The following PKP2 variants were observed in gnomAD, a reference collection of about 807,000 sequenced individuals.
The protein encoded by PKP2 is plakophilin 2, also known as plakophilin-2.
PKP2 carries 73 observed loss-of-function variants against 83.4 expected under a neutral mutation model. The ratio of observed to expected loss-of-function variants is 0.88; its 90% CI spans 0.72 to 1.06. PKP2 has a LOEUF of 1.06. Ranked by LOEUF, PKP2 falls within the 50% of genes least tolerant of loss-of-function variation. The probability of loss-of-function intolerance (pLI) is 0.00; values close to 1 mark genes in which losing one functional copy is unlikely to be tolerated. For missense variants in PKP2, 966 were observed against 1,065.4 expected (o/e 0.91, Z 1.30); for synonymous variants, 409 against 430.4 (o/e 0.95, Z 0.62).
chr12:32,845,894 C>A (rs560968998), intron 5 of PKP2, among the ~76,000 whole-genome samples: 1 of 152,062 alleles, frequency 6.6e-6, no homozygotes, highest in South Asian at 2.1e-4. Context: ...ATTATTGAAA[C>A]GGCCACGTAT....
At chr12:32,883,395 T>A (rs1418476537) in intron 1 of PKP2, among the ~76,000 whole-genome samples, 1 of 152,180 alleles carries the variant, frequency 6.6e-6, no homozygotes, top group Non-Finnish European at 1.5e-5. Flanking sequence ...CTGAGTAAAA[T>A]TTTTTTAAAG....
intron 9 of PKP2, among the ~76,000 whole-genome samples, chr12:32,808,087 T>A (rs9989018): frequency 0.2 from 29,709 of 152,110 alleles, 3,571 homozygotes; most frequent in East Asian, 0.56. Context: ...TAGGTTGGGG[T>A]AATTCTACTG....
At chr12:32,843,439 T>C in intron 5 of PKP2, 1 of 617,308 alleles carries the variant, frequency 1.6e-6, no homozygotes, top group Non-Finnish European at 2.9e-6. Flanking sequence ...CCTGTATAGT[T>C]AAAGCTTGGT....
chr12:32,885,724 T>C (rs914280144), intron 1 of PKP2, among the ~76,000 whole-genome samples: 2 of 152,154 alleles, frequency 1.3e-5, no homozygotes, highest in African/African-American at 2.4e-5. Flanking sequence ...AATTTTATTA[T>C]GTAATTGGTT....
rs554558320 is a variant in PKP2, at chr12:32,888,110, G to T, written c.223+8399C>A. ...GGTGAGAGAATGGCTTGAGCCCGGG[G>T]GGCAGAGGTTGCAGTGAGCCAAGAT... On this transcript the variant is annotated intron_variant, in intron 1 of 12. Transcript: ENST00000340811. Among the ~76,000 whole-genome samples the T allele has an allele frequency of 1.3e-5, 2 of 152,254 alleles. 1 individual carries two copies. The highest frequency in any genetic ancestry group is 4.1e-4 in the South Asian group (2 of 4,826).
At chr12:32,851,846 A>T (rs910689886) in intron 4 of PKP2, among the ~76,000 whole-genome samples, 7 of 152,244 alleles carry the variant, frequency 4.6e-5, no homozygotes, top group Non-Finnish European at 8.8e-5. Flanking sequence ...CTTTAAGCAG[A>T]TAAAATAATT....
At chr12:32,837,272 G>A (rs912790836) in intron 6 of PKP2, among the ~76,000 whole-genome samples, 2 of 152,132 alleles carry the variant, frequency 1.3e-5, no homozygotes, top group African/African-American at 2.4e-5. Context: ...TAAGACCTTC[G>A]AATTTGAAGA....
intron 9 of PKP2, among the ~76,000 whole-genome samples, chr12:32,804,741 G>T (rs1255520980): frequency 6.6e-6 from 1 of 152,148 alleles, no homozygotes; most frequent in Non-Finnish European, 1.5e-5. Flanking sequence ...TTGCTATTGT[G>T]AATAGTGCTG....
At chr12:32,813,323 T>C (rs1175156886) in intron 9 of PKP2, among the ~76,000 whole-genome samples, 1 of 152,196 alleles carries the variant, frequency 6.6e-6, no homozygotes, top group Non-Finnish European at 1.5e-5. Flanking sequence ...TGTATAAACA[T>C]TGGGAAGTAG....
chr12:32,850,651 C>T (rs1445982693), intron 5 of PKP2, 115 bp downstream of exon 5: 2 of 803,072 alleles, frequency 2.5e-6, no homozygotes, highest in Non-Finnish European at 4.3e-6. Context: ...CCTTCTCTAG[C>T]ATAACAATGA....
rs776927054 is a variant in PKP2 at position 32,868,996 on chromosome 12, T to C, written c.1101A>G (p.Pro367=). The change falls in exon 4 of 13, where the codon CCA becomes CCG. Residue 367 remains proline, a synonymous_variant. Transcript: ENST00000340811. ...AAGTAGCTGCAGCAGAAATCCTGGATGGCAGCATGTGGTCTGCCTCGAGCA... is the reference window on the plus strand; with the variant it reads ...AAGTAGCTGCAGCAGAAATCCTGGACGGCAGCATGTGGTCTGCCTCGAGCA... The part of the protein sequence containing the change: ...VSMLEADHML[P]SRISAAATFI... The C allele has an allele frequency of 3.1e-6, 5 of 1,613,964 alleles. No homozygotes were observed. The highest frequency in any genetic ancestry group is 4.5e-5 in the East Asian group (2 of 44,888).
intron 5 of PKP2, among the ~76,000 whole-genome samples, chr12:32,847,804 G>A (rs1484785371): frequency 6.6e-6 from 1 of 151,924 alleles, no homozygotes; most frequent in Non-Finnish European, 1.5e-5. Flanking sequence ...CTAGTAGATG[G>A]AGAAACAAAA....
intron 6 of PKP2, among the ~76,000 whole-genome samples, chr12:32,837,984 G>A (rs1024852473): frequency 3.3e-5 from 5 of 152,174 alleles, no homozygotes; most frequent in Non-Finnish European, 7.3e-5. Flanking sequence ...ATTACTGGGT[G>A]TATATACAAA....
At chr12:32,853,508 CT>C (rs71447625) in intron 4 of PKP2, among the ~76,000 whole-genome samples, 128 of 138,104 alleles carry the variant, frequency 9.3e-4, no homozygotes, top group Admixed American at 1.5e-3. Context: ...TAAATTCATA[CT>C]TTTTTTTTTT....
At chr12:32,881,411 TAAAG>T (rs917241435) in intron 1 of PKP2, among the ~76,000 whole-genome samples, 21 of 152,120 alleles carry the variant, frequency 1.4e-4, no homozygotes, top group Admixed American at 1.1e-3. Context: ...GGACCTTAAA[TAAAG>T]AAAAAAAATT....
intron 4 of PKP2, among the ~76,000 whole-genome samples, chr12:32,859,578 TTC>T (rs1321263879): frequency 6.6e-6 from 1 of 152,138 alleles, no homozygotes; most frequent in African/African-American, 2.4e-5. Flanking sequence ...TGCTTCTGCC[TTC>T]TGAGTAGCTG....
At chr12:32,823,477 A>G (rs1171328350) in intron 7 of PKP2, among the ~76,000 whole-genome samples, 2 of 152,128 alleles carry the variant, frequency 1.3e-5, no homozygotes, top group African/African-American at 2.4e-5. Flanking sequence ...TGGGAATGAA[A>G]AAAGAGATAC....
intron 6 of PKP2, among the ~76,000 whole-genome samples, chr12:32,825,606 C>T (rs1956431829): frequency 6.6e-6 from 1 of 152,144 alleles, no homozygotes; most frequent in African/African-American, 2.4e-5. Context: ...CTTTCTTCAT[C>T]TTTAAAATAA....
At chr12:32,841,470 C>A (rs2137832033) in intron 5 of PKP2, among the ~76,000 whole-genome samples, 1 of 152,278 alleles carries the variant, frequency 6.6e-6, no homozygotes, top group South Asian at 2.1e-4. Flanking sequence ...AAATAAAGGC[C>A]AGACATGCTT....
Sources: allele counts gnomAD v4.1 joint callset (sites outside exome capture counted in the v4.1 genomes callset), GRCh38; gene constraint gnomAD v4.1.1; transcripts MANE v1.5; gene names NCBI Gene and HGNC (gene_info 2026-07-23, HGNC 2026-07-21).